Variants in CDC42BPA observed in about 807,000 individuals in gnomAD.
CDC42BPA encodes CDC42 binding protein kinase alpha.
CDC42BPA carries 80 observed loss-of-function variants against 223.5 expected under a neutral mutation model. The ratio of observed to expected loss-of-function variants is 0.36; its 90% CI spans 0.30 to 0.43. The LOEUF (loss-of-function observed/expected upper bound fraction) is 0.43, where lower values mean the gene tolerates loss of function less well. CDC42BPA is among the 20% of genes least tolerant of loss of function. The pLI is 1.00. For missense variants in CDC42BPA, 1,743 were observed against 2,099.9 expected (o/e 0.83, Z 3.32); for synonymous variants, 694 against 718.6 (o/e 0.97, Z 0.55).
At chr1:227,250,516 A>C (rs575772788) in intron 2 of CDC42BPA, among the ~76,000 whole-genome samples, 6 of 152,120 alleles carry the variant, frequency 3.9e-5, no homozygotes, top group African/African-American at 1.4e-4. Flanking sequence ...ATAAAAAAAG[A>C]ATGCTATGGT....
intron 2 of CDC42BPA, among the ~76,000 whole-genome samples, chr1:227,251,436 A>G (rs1220142042): frequency 6.6e-6 from 1 of 152,202 alleles, no homozygotes; most frequent in Admixed American, 6.5e-5. Flanking sequence ...ACAAGTAGTA[A>G]CATCATTACA....
chr1:227,120,081 C>A, intron 11 of CDC42BPA, 144 bp from the exon 12 acceptor site: 2 of 529,996 alleles, frequency 3.8e-6, no homozygotes, highest in Non-Finnish European at 6.4e-6. Context: ...TGACTCTTGA[C>A]AAATTAAATG....
At chr1:227,262,946 T>C (rs1849552) in intron 1 of CDC42BPA, among the ~76,000 whole-genome samples, 46,847 of 152,128 alleles carry the variant, frequency 0.31, 7,394 homozygotes, top group East Asian at 0.37. Flanking sequence ...TATGAAATCA[T>C]TTTTGGCTGG....
At chr1:227,271,360 A>T (rs903552967) in intron 1 of CDC42BPA, among the ~76,000 whole-genome samples, 2 of 152,192 alleles carry the variant, frequency 1.3e-5, no homozygotes, top group Non-Finnish European at 2.9e-5. Flanking sequence ...TTTTGTGCAC[A>T]GTAGAGGGAT....
chr1:227,301,587 T>C (rs1271837839), intron 1 of CDC42BPA, among the ~76,000 whole-genome samples: 1 of 152,158 alleles, frequency 6.6e-6, no homozygotes, highest in Non-Finnish European at 1.5e-5. Context: ...CTCAATCTCT[T>C]GACCTCGTGA....
At position 227,033,004 on chromosome 1, in the gene CDC42BPA, CATTTTT is replaced by C. The variant is rs1367570604; in HGVS notation, c.3558+324_3558+329del. 4.6e-5 allele frequency among the ~76,000 whole-genome samples: 7 copies of C among 152,246 alleles called. No individual in the cohort carries two copies. The East Asian group carries it at 1.4e-3, about 29-fold the overall frequency. On this transcript the variant is annotated intron_variant, in intron 27 of 36. Coordinates refer to ENST00000366766, the MANE Select transcript of CDC42BPA (RefSeq NM_001394014.1). Reference sequence around the variant, plus strand: ...AAACGCATTAATTTTTCAAGACAGACATTTTTATTTTTTTAAAAACTTGAGAAACCT... The same window carrying C: ...AAACGCATTAATTTTTCAAGACAGACATTTTTTTAAAAACTTGAGAAACCT...
At chr1:227,198,042 A>G (rs1406989869) in intron 4 of CDC42BPA, among the ~76,000 whole-genome samples, 6 of 152,186 alleles carry the variant, frequency 3.9e-5, no homozygotes, top group Admixed American at 3.9e-4. Context: ...AATAATATAT[A>G]TGGCTTATAT....
intron 12 of CDC42BPA, among the ~76,000 whole-genome samples, chr1:227,115,220 T>C (rs116389194): frequency 0.054 from 8,184 of 152,064 alleles, 249 homozygotes; most frequent in Non-Finnish European, 0.073. Flanking sequence ...GAAAAAAAGA[T>C]AGTAGAAACA....
intron 5 of CDC42BPA, among the ~76,000 whole-genome samples, chr1:227,166,052 T>C (rs11802399): frequency 0.054 from 8,226 of 152,294 alleles, 252 homozygotes; most frequent in Non-Finnish European, 0.073. Context: ...AAACAGTTAA[T>C]GGTTATCAAT....
intron 3 of CDC42BPA, among the ~76,000 whole-genome samples, chr1:227,209,521 A>G (rs1449343329): frequency 7.3e-6 from 1 of 137,658 alleles, no homozygotes; most frequent in Non-Finnish European, 1.6e-5. Context: ...ATTATTTTGA[A>G]ATACGTCCCA....
chr1:227,079,861 T>A (rs979789562), intron 17 of CDC42BPA, among the ~76,000 whole-genome samples: 1 of 113,230 alleles, frequency 8.8e-6, no homozygotes, highest in East Asian at 3.8e-4. Flanking sequence ...GGATTTCAGG[T>A]TTTTTTTTTA....
intron 2 of CDC42BPA, among the ~76,000 whole-genome samples, chr1:227,225,134 T>A (rs1013826939): frequency 6.6e-6 from 1 of 152,058 alleles, no homozygotes; most frequent in African/African-American, 2.4e-5. Context: ...AAAGACTAAA[T>A]ATTTGGTAAG....
Position 227,065,097 on chromosome 1 carries a change from A to AAAATAAATAAATAAATAAATAAAT in CDC42BPA, c.2904+4656_2904+4679dup, listed in dbSNP as rs61601477. Among the ~76,000 whole-genome samples, 1,375 of 148,802 alleles carry AAAATAAATAAATAAATAAATAAAT rather than the reference A, an allele frequency of 9.2e-3. 14 individuals carry two copies. The highest frequency in any genetic ancestry group is 0.032 in the African/African-American group (1,273 of 39,824). ...GTGTGAGAGAGCGAGACTCCATCTC[A>AAAATAAATAAATAAATAAATAAAT]AAATAAATAAATAAATAAATAAATA... On this transcript the variant is annotated intron_variant, in intron 21 of 36. Transcript: ENST00000366766.
chr1:227,266,141 G>T (rs1256531745), intron 1 of CDC42BPA, among the ~76,000 whole-genome samples: 1 of 152,124 alleles, frequency 6.6e-6, no homozygotes, highest in Admixed American at 6.5e-5. Flanking sequence ...AATTATAATT[G>T]GTATATGCCA....
In CDC42BPA at chr1:227,081,001, T is replaced by C. The variant is rs1368266334; in HGVS notation, c.2372A>G (p.Glu791Gly). 1.2e-6 allele frequency: 2 copies of C among 1,613,518 alleles called. No homozygotes were observed. Among genetic ancestry groups the C allele is most frequent in the South Asian group, 2.2e-5 (2 of 91,032 alleles). The change falls in exon 17 of 37, where the codon GAG becomes GGG. Residue 791 changes from glutamate (E) to glycine (G), a missense_variant. Around this residue, in one of 6 missense-constraint regions of CDC42BPA, gnomAD observed 464 missense variants for 488.0 expected, o/e 0.95. Transcript: ENST00000366766. The part of the protein sequence containing the change: ...SELDKLTTLY[E>G]NLSIHNQQLE... ...CTGCTGGTTGTGTATACTTAAGTTCTCATACAAAGTAGTAAGCTGAAAGAT... is the reference window on the plus strand; with the variant it reads ...CTGCTGGTTGTGTATACTTAAGTTCCCATACAAAGTAGTAAGCTGAAAGAT...
At chr1:227,274,102 G>A (rs3795455) in intron 1 of CDC42BPA, among the ~76,000 whole-genome samples, 46,214 of 150,212 alleles carry the variant, frequency 0.31, 7,252 homozygotes, top group East Asian at 0.37. Context: ...ATTTGGGTTT[G>A]CAGCAATTCC....
intron 15 of CDC42BPA, among the ~76,000 whole-genome samples, chr1:227,098,848 T>C (rs769137426): frequency 2.0e-5 from 3 of 151,838 alleles, no homozygotes; most frequent in Non-Finnish European, 4.4e-5. Context: ...AAAACACAAA[T>C]CAGTTGTCAC....
In CDC42BPA at chr1:227,104,852, A is replaced by G. The variant is rs547988755; in HGVS notation, c.2002-3613T>C. On this transcript the variant is annotated intron_variant, in intron 14 of 36. Coordinates refer to ENST00000366766, the MANE Select transcript of CDC42BPA (RefSeq NM_001394014.1). ...ATGCCACCAGAAGCCAACCATACCA[A>G]TATCTTGATTTTGAACTTCTAGCCT... Among the ~76,000 whole-genome samples the G allele has an allele frequency of 2.1e-4, 32 of 152,168 alleles. No homozygotes were observed. In the East Asian group the frequency reaches 3.3e-3, roughly 16 times the overall value.
In CDC42BPA at chr1:227,199,661, CA is replaced by C; in HGVS notation, c.355-10del. The stretch of plus-strand genomic sequence containing the variant: ...TCACGAAAACATGCTGTCTGAAACA[CA>C]AAAAGAAAATTTTTAGAGCATACTT... On this transcript the variant is annotated splice_polypyrimidine_tract_variant and intron_variant, in intron 3 of 36. Coordinates refer to ENST00000366766, the MANE Select transcript of CDC42BPA (RefSeq NM_001394014.1). The C allele has an allele frequency of 2.0e-6, 3 of 1,476,520 alleles. No individual in the cohort carries two copies. The highest frequency in any genetic ancestry group is 2.3e-5 in the East Asian group (1 of 43,844). The allele number at this position is 1,476,520 out of a possible 1,614,324, so 91.5% of individuals were successfully genotyped here.
Sources: gnomAD v4.1 joint callset for allele counts (sites outside exome capture counted in the v4.1 genomes callset) on GRCh38, gnomAD v4.1.1 for gene constraint, gnomAD v4.1.1 regional missense constraint, MANE v1.5 for transcripts, NCBI Gene and HGNC (gene_info 2026-07-23, HGNC 2026-07-21) for gene names.